The following CELF4 variants were observed in gnomAD, a reference collection of about 807,000 sequenced individuals.
CELF4 encodes the protein CUG-BP- and ETR-3-like factor 4.
CELF4 carries 18 observed loss-of-function variants against 59.9 expected under a neutral mutation model. The ratio of observed to expected loss-of-function variants is 0.30; its 90% CI spans 0.21 to 0.45. CELF4 has a LOEUF of 0.45. Among genes scored for constraint, CELF4 ranks in the 20% least tolerant of loss-of-function variants. The pLI is 1.00. For missense variants in CELF4, 456 were observed against 689.0 expected, an observed-to-expected ratio of 0.66 and a Z score of 3.79; for synonymous variants, 261 against 267.1, an observed-to-expected ratio of 0.98 and a Z score of 0.22.
Position 37,279,576 on chromosome 18 carries a change from G to A in CELF4, c.449-4333C>T, listed in dbSNP as rs112090145. ...GTTCACTGAGTACCTTCTCTGTGCC[G>A]GACTCTGTTCCAAGCATTGCTTCTA... is the stretch of plus-strand genomic sequence containing the variant. On this transcript the variant is annotated intron_variant, in intron 3 of 12. Coordinates refer to ENST00000420428, the MANE Select transcript of CELF4 (RefSeq NM_020180.4). Among the ~76,000 whole-genome samples the A allele has an allele frequency of 6.2e-3, 950 of 152,296 alleles. 11 individuals carry two copies. Among genetic ancestry groups the A allele is most frequent in the African/African-American group, 0.021 (891 of 41,548 alleles).
At chr18:37,373,349 C>T (rs112156644) in intron 2 of CELF4, among the ~76,000 whole-genome samples, 10 of 152,220 alleles carry the variant, frequency 6.6e-5, no homozygotes, top group African/African-American at 1.2e-4. Flanking sequence ...GTGGAGGGGA[C>T]GACCAGGCTC....
At chr18:37,286,710 G>A (rs572996515) in intron 3 of CELF4, among the ~76,000 whole-genome samples, 2 of 152,314 alleles carry the variant, frequency 1.3e-5, no homozygotes, top group African/African-American at 4.8e-5. Context: ...CCCGGGAGGA[G>A]TCACACTGGA....
chr18:37,337,927 C>A (rs1246855244), intron 2 of CELF4, among the ~76,000 whole-genome samples: 1 of 152,206 alleles, frequency 6.6e-6, no homozygotes, highest in African/African-American at 2.4e-5. Flanking sequence ...TGACCCCCGC[C>A]CCATGTTTGC....
At chr18:37,274,580 C>A in intron 5 of CELF4, 126 bp from the exon 6 acceptor site, 1 of 1,577,444 alleles carries the variant, frequency 6.3e-7, no homozygotes, top group Non-Finnish European at 8.6e-7. Flanking sequence ...CATCGGCGCT[C>A]GCCCAGGGGA....
intron 1 of CELF4, among the ~76,000 whole-genome samples, chr18:37,511,359 G>C (rs758388181): frequency 2.0e-5 from 3 of 152,018 alleles, no homozygotes; most frequent in Admixed American, 6.6e-5. Context: ...GGGTCTCCCC[G>C]CGTCCGGGTC....
chr18:37,280,764 C>T (rs1007545579), intron 3 of CELF4, among the ~76,000 whole-genome samples: 2 of 152,230 alleles, frequency 1.3e-5, no homozygotes, highest in Non-Finnish European at 2.9e-5. Flanking sequence ...GAAGGGGACG[C>T]TGAGGAAGCT....
At chr18:37,519,183 G>T (rs1002985951) in intron 1 of CELF4, among the ~76,000 whole-genome samples, 1 of 152,134 alleles carries the variant, frequency 6.6e-6, no homozygotes, top group Non-Finnish European at 1.5e-5. Flanking sequence ...TGGATACTCT[G>T]GTTTGCGTTC....
At chr18:37,328,814 C>G (rs568445772) in intron 2 of CELF4, among the ~76,000 whole-genome samples, 23 of 152,276 alleles carry the variant, frequency 1.5e-4, no homozygotes, top group African/African-American at 5.5e-4. Context: ...ATCAGCAGAC[C>G]CGCACGCTAG....
intron 1 of CELF4, among the ~76,000 whole-genome samples, chr18:37,512,917 G>T (rs989971597): frequency 6.6e-6 from 1 of 151,992 alleles, no homozygotes; most frequent in Admixed American, 6.6e-5. Flanking sequence ...TCTCCCGGGA[G>T]TTCTGCAGGT....
intron 2 of CELF4, among the ~76,000 whole-genome samples, chr18:37,378,958 C>T (rs987411020): frequency 6.6e-6 from 1 of 152,228 alleles, no homozygotes; most frequent in Non-Finnish European, 1.5e-5. Context: ...GCTGATACAT[C>T]CCCTTCACCA....
At chr18:37,514,462 G>A (rs2099948303) in intron 1 of CELF4, among the ~76,000 whole-genome samples, 1 of 152,124 alleles carries the variant, frequency 6.6e-6, no homozygotes, top group South Asian at 2.1e-4. Flanking sequence ...GGATGCTGAT[G>A]AGAAGGAAAA....
At chr18:37,360,248 A>G (rs951367981) in intron 2 of CELF4, among the ~76,000 whole-genome samples, 1 of 152,254 alleles carries the variant, frequency 6.6e-6, no homozygotes, top group Admixed American at 6.5e-5. Context: ...CACCATGGAC[A>G]CTAAACATCT....
intron 2 of CELF4, among the ~76,000 whole-genome samples, chr18:37,385,692 C>T (rs1002505928): frequency 6.6e-6 from 1 of 152,210 alleles, no homozygotes; most frequent in East Asian, 1.9e-4. Flanking sequence ...GTCCAGAATG[C>T]TTTTTCTATG....
chr18:37,274,783 G>T (rs376106133), intron 5 of CELF4, 22 bp downstream of exon 5: 24 of 1,559,724 alleles, frequency 1.5e-5, no homozygotes, highest in African/African-American at 4.1e-5. Context: ...CCTCGCCCCC[G>T]CCCCAAGGGG....
chr18:37,510,288 T>C (rs1246509348), intron 1 of CELF4, among the ~76,000 whole-genome samples: 8 of 152,240 alleles, frequency 5.3e-5, no homozygotes, highest in African/African-American at 1.9e-4. Context: ...CCTCAGTGCA[T>C]GCCAGGCTTC....
At chr18:37,340,115 A>G (rs918825863) in intron 2 of CELF4, among the ~76,000 whole-genome samples, 6 of 152,230 alleles carry the variant, frequency 3.9e-5, no homozygotes, top group Non-Finnish European at 7.3e-5. Flanking sequence ...CACAATGCCC[A>G]GCCTGGGGGG....
chr18:37,284,538 C>T lies in CELF4; in HGVS notation c.449-9295G>A, dbSNP rs1027393633. Among the ~76,000 whole-genome samples, 8 of 152,270 alleles carry T rather than the reference C, an allele frequency of 5.3e-5. No individual in the cohort carries two copies. The East Asian group carries it at 5.8e-4, about 11-fold the overall frequency. The stretch of plus-strand genomic sequence containing the variant: ...TGGCTGCTCCTGTGGCCCAACACAA[C>T]GTCACCCAGGCCCTACATGACAAGA... On this transcript the variant is annotated intron_variant, in intron 3 of 12. Transcript: ENST00000420428.
chr18:37,259,706 G>T (rs1382283863), intron 10 of CELF4, among the ~76,000 whole-genome samples: 1 of 152,148 alleles, frequency 6.6e-6, no homozygotes, highest in East Asian at 1.9e-4. Flanking sequence ...CCTGTGCTGG[G>T]GAGACCCCCC....
chr18:37,291,527 T>TG (rs2095332814), intron 3 of CELF4, among the ~76,000 whole-genome samples: 1 of 152,186 alleles, frequency 6.6e-6, no homozygotes, highest in South Asian at 2.1e-4. Context: ...GCATTTGGTT[T>TG]CCCACCAGCC....
Sources: gnomAD v4.1 joint callset for allele counts (sites outside exome capture counted in the v4.1 genomes callset) on GRCh38, gnomAD v4.1.1 for gene constraint, MANE v1.5 for transcripts, NCBI Gene and HGNC (gene_info 2026-07-23, HGNC 2026-07-21) for gene names.